Variants in AFF3 observed in about 807,000 individuals in gnomAD.
The protein encoded by AFF3 is ALF transcription elongation factor 3.
In AFF3, 32 loss-of-function variants were observed where a neutral mutation model predicts 129.7. That is an observed-to-expected ratio of 0.25 (90% CI 0.19 to 0.33). The LOEUF is 0.33. Among genes scored for constraint, AFF3 ranks in the 10% least tolerant of loss-of-function variants. The pLI is 1.00. For missense variants in AFF3, 1,373 were observed against 1,592.0 expected (o/e 0.86, Z 2.34); for synonymous variants, 644 against 635.4 (o/e 1.01, Z -0.20).
At chr2:99,599,597 C>G (rs1679621232) in intron 14 of AFF3, among the ~76,000 whole-genome samples, 1 of 152,168 alleles carries the variant, frequency 6.6e-6, no homozygotes, top group Non-Finnish European at 1.5e-5. Flanking sequence ...AACACAGGAG[C>G]TCTAGGACCT....
At chr2:100,067,534 C>T (rs772333286) in intron 4 of AFF3, among the ~76,000 whole-genome samples, 8 of 152,134 alleles carry the variant, frequency 5.3e-5, no homozygotes, top group South Asian at 2.1e-4. Flanking sequence ...ACAGCAACAA[C>T]GACAACAAAA....
intron 7 of AFF3, among the ~76,000 whole-genome samples, chr2:99,976,822 AG>A (rs1460963671): frequency 6.6e-6 from 1 of 151,156 alleles, no homozygotes; most frequent in South Asian, 2.1e-4. Flanking sequence ...TTCCTAAAAA[AG>A]GCTTATATTT....
intron 11 of AFF3, among the ~76,000 whole-genome samples, chr2:99,702,595 T>A (rs1448214834): frequency 1.3e-5 from 2 of 152,198 alleles, no homozygotes; most frequent in African/African-American, 4.8e-5. Flanking sequence ...TGCCTCAGCC[T>A]CCTGAAGTGC....
At chr2:99,670,604 G>A (rs1037133755) in intron 12 of AFF3, among the ~76,000 whole-genome samples, 3 of 151,910 alleles carry the variant, frequency 2.0e-5, no homozygotes, top group South Asian at 2.1e-4. Context: ...GTTTGGTCTT[G>A]AAGAGAAAAA....
At chr2:99,861,927 T>C (rs572866222) in intron 7 of AFF3, among the ~76,000 whole-genome samples, 9 of 152,302 alleles carry the variant, frequency 5.9e-5, no homozygotes, top group Non-Finnish European at 1.0e-4. Flanking sequence ...AAAATTCTCT[T>C]ATGGCCTATT....
chr2:99,920,214 A>C (rs568229257), intron 7 of AFF3, among the ~76,000 whole-genome samples: 1 of 152,050 alleles, frequency 6.6e-6, no homozygotes, highest in Admixed American at 6.6e-5. Flanking sequence ...TCATCCTGTA[A>C]AGTTATTATA....
intron 12 of AFF3, among the ~76,000 whole-genome samples, chr2:99,660,936 G>A (rs2104307743): frequency 6.6e-6 from 1 of 152,278 alleles, no homozygotes; most frequent in Non-Finnish European, 1.5e-5. Context: ...GAAAAGCTGG[G>A]CTTGTGAGAT....
intron 15 of AFF3, among the ~76,000 whole-genome samples, chr2:99,589,772 G>A (rs1363707066): frequency 6.6e-6 from 1 of 152,130 alleles, no homozygotes; most frequent in African/African-American, 2.4e-5. Context: ...GGTCACTGAG[G>A]AGGCCAAGGA....
In AFF3 at chr2:99,755,814, C is replaced by A. The variant is rs184001599; in HGVS notation, c.922-3513G>T. On this transcript the variant is annotated intron_variant, in intron 8 of 24. Transcript: ENST00000672756. ...GCCCTATTTCTCATCCGGTAAAAAT[C>A]GGCATATCAAATTGCTCTTGAAATT... is the stretch of plus-strand genomic sequence containing the variant. Among the ~76,000 whole-genome samples the A allele has an allele frequency of 5.9e-5, 9 of 152,294 alleles. No individual in the cohort carries two copies. The East Asian group carries it at 1.7e-3, about 29-fold the overall frequency.
intron 4 of AFF3, among the ~76,000 whole-genome samples, chr2:100,068,241 T>C (rs1226666430): frequency 6.6e-6 from 1 of 152,208 alleles, no homozygotes; most frequent in African/African-American, 2.4e-5. Flanking sequence ...TTTAAATGTG[T>C]GTTATAAACA....
At chr2:99,751,951 C>G (rs2105202793) in intron 9 of AFF3, among the ~76,000 whole-genome samples, 1 of 152,238 alleles carries the variant, frequency 6.6e-6, no homozygotes, top group South Asian at 2.1e-4. Context: ...TTATAAGATG[C>G]ATTTCAACTT....
chr2:99,572,868 T>G (rs554608322), intron 18 of AFF3, among the ~76,000 whole-genome samples: 157 of 152,300 alleles, frequency 1.0e-3, no homozygotes, highest in African/African-American at 3.6e-3. Flanking sequence ...AGATTGCATT[T>G]GGGTAGCAAG....
rs1360774722 is a variant in AFF3 at position 99,649,658 on chromosome 2, A to G, written c.1152T>C (p.Ala384=). 1 of 1,614,166 alleles carries G rather than the reference A, an allele frequency of 6.2e-7. No homozygotes were observed. Among genetic ancestry groups the G allele is most frequent in the Non-Finnish European group, 8.5e-7 (1 of 1,180,012 alleles). The change falls in exon 13 of 25, where the codon GCT becomes GCC. Residue 384 remains alanine (A), a synonymous_variant. Transcript: ENST00000672756. ...AGAGAGCGCGGAGAGCCGTTCTCTG[A>G]GCTGCCTGCTGGAAGAAAGAAAGGG... ...SDEEENEQQA[A]QRTALRALSD...
intron 4 of AFF3, among the ~76,000 whole-genome samples, chr2:100,015,860 ATAG>A (rs138936562): frequency 0.1 from 15,134 of 152,072 alleles, 1,132 homozygotes; most frequent in Non-Finnish European, 0.15. Context: ...GATGGTGGTG[ATAG>A]TGGTGGTGGT....
At chr2:99,965,073 T>C (rs1021063000) in intron 7 of AFF3, among the ~76,000 whole-genome samples, 1 of 152,180 alleles carries the variant, frequency 6.6e-6, no homozygotes, top group Non-Finnish European at 1.5e-5. Context: ...TCTCCAAAAC[T>C]AGGATTTGAG....
chr2:99,769,303 T>A (rs532717419), intron 8 of AFF3, among the ~76,000 whole-genome samples: 1 of 152,356 alleles, frequency 6.6e-6, no homozygotes, highest in South Asian at 2.1e-4. Context: ...TTCTTCAGTA[T>A]GTCAGCTGCA....
intron 7 of AFF3, among the ~76,000 whole-genome samples, chr2:99,958,370 G>A (rs1676862814): frequency 6.6e-6 from 1 of 151,684 alleles, no homozygotes; most frequent in South Asian, 2.1e-4. Context: ...GCACACACCT[G>A]TAATTTCAGC....
intron 4 of AFF3, among the ~76,000 whole-genome samples, chr2:100,045,426 T>C (rs907020269): frequency 6.6e-6 from 1 of 152,218 alleles, no homozygotes; most frequent in South Asian, 2.1e-4. Context: ...CTATGTCAGA[T>C]ACTCTGCTAA....
chr2:100,093,714 T>C (rs1017095199), intron 4 of AFF3, among the ~76,000 whole-genome samples: 1 of 152,146 alleles, frequency 6.6e-6, no homozygotes. Context: ...TGTCCTCTCC[T>C]GCACGTAGAC....
Sources: allele counts gnomAD v4.1 joint callset (sites outside exome capture counted in the v4.1 genomes callset), GRCh38; gene constraint gnomAD v4.1.1; transcripts MANE v1.5; gene names NCBI Gene and HGNC (gene_info 2026-07-23, HGNC 2026-07-21).